Variants in TESK2 observed in about 807,000 individuals in gnomAD.
The protein encoded by TESK2 is testis associated actin remodelling kinase 2, also known as dual specificity testis-specific protein kinase 2.
TESK2 carries 39 observed loss-of-function variants against 57.1 expected under a neutral mutation model. The observed-to-expected ratio is 0.68, with a 90% CI of 0.53 to 0.89. The LOEUF (loss-of-function observed/expected upper bound fraction) is 0.89. TESK2 is among the 40% of genes least tolerant of loss of function. The pLI is 0.00. For synonymous variants in TESK2, 249 were observed against 267.9 expected (o/e 0.93, Z 0.69); for missense variants, 646 against 732.1 (o/e 0.88, Z 1.36).
chr1:45,348,078 C>A (rs191155637), intron 5 of TESK2, 78 bp from the exon 6 acceptor site: 30 of 975,290 alleles, frequency 3.1e-5, no homozygotes, highest in African/African-American at 2.4e-4. Context: ...CCCATTCCCC[C>A]CTTCCTATCA....
At chr1:45,485,510 TA>T (rs1386345030) in intron 1 of TESK2, among the ~76,000 whole-genome samples, 1 of 132,704 alleles carries the variant, frequency 7.5e-6, no homozygotes, top group Admixed American at 8.5e-5. Flanking sequence ...TATATAAATT[TA>T]TTTTTTATTT....
intron 3 of TESK2, among the ~76,000 whole-genome samples, chr1:45,399,428 C>T (rs533046066): frequency 3.9e-5 from 6 of 152,280 alleles, no homozygotes; most frequent in Non-Finnish European, 8.8e-5. Flanking sequence ...AATTCTCCTG[C>T]CTCAGCATCC....
chr1:45,387,557 T>C (rs766076894), intron 3 of TESK2, among the ~76,000 whole-genome samples: 1 of 151,992 alleles, frequency 6.6e-6, no homozygotes, highest in Non-Finnish European at 1.5e-5. Context: ...ATCATAAAAT[T>C]TCCAGGAAGA....
intron 2 of TESK2, among the ~76,000 whole-genome samples, chr1:45,451,579 T>C (rs867283493): frequency 6.6e-6 from 1 of 152,288 alleles, no homozygotes; most frequent in Middle Eastern, 3.4e-3. Context: ...TGGTCTGCCT[T>C]AGGACCTGAA....
chr1:45,428,520 T>C (rs1650792291), intron 2 of TESK2, among the ~76,000 whole-genome samples: 1 of 152,124 alleles, frequency 6.6e-6, no homozygotes. Flanking sequence ...TTATTTTTTT[T>C]TAAACAGGGT....
chr1:45,452,348 T>A (rs1282018451), intron 2 of TESK2, among the ~76,000 whole-genome samples: 2 of 152,024 alleles, frequency 1.3e-5, no homozygotes, highest in Non-Finnish European at 2.9e-5. Context: ...AATAAGAAAG[T>A]ATCTAGAAGC....
In TESK2 at chr1:45,461,284, CAG is replaced by C. The variant is rs1374699113; in HGVS notation, c.-86-3415_-86-3414del. ...TTGAGAATCCCTTGAACCCAAGAGG[CAG>C]AGATTGCAGTGAGCTCAGATCACAC... On this transcript the variant is annotated intron_variant, in intron 1 of 10. Coordinates refer to ENST00000372086, the MANE Select transcript of TESK2 (RefSeq NM_007170.3). Among the ~76,000 whole-genome samples, 49 of 152,058 alleles carry C rather than the reference CAG, an allele frequency of 3.2e-4. 1 individual carries two copies. The highest frequency in any genetic ancestry group is 1.5e-5 in the Non-Finnish European group (1 of 68,010).
intron 1 of TESK2, among the ~76,000 whole-genome samples, chr1:45,468,625 T>A (rs1652647569): frequency 6.6e-6 from 1 of 152,212 alleles, no homozygotes; most frequent in African/African-American, 2.4e-5. Flanking sequence ...CTCTTGGTCT[T>A]ATATATTGAG....
At chr1:45,349,180 C>T (rs1570635731) in intron 5 of TESK2, among the ~76,000 whole-genome samples, 1 of 151,344 alleles carries the variant, frequency 6.6e-6, no homozygotes, top group African/African-American at 2.4e-5. Context: ...GCCAAGTCAC[C>T]TCCTGCTTAC....
chr1:45,443,957 T>C (rs1651549197), intron 2 of TESK2, among the ~76,000 whole-genome samples: 1 of 152,066 alleles, frequency 6.6e-6, no homozygotes, highest in African/African-American at 2.4e-5. Flanking sequence ...GGTGGGAGGA[T>C]TGCTTGAGGC....
rs200381463 is a variant in TESK2, at chr1:45,475,355, TGCCACCAC to T, written c.-87+15489_-87+15496del. Among the ~76,000 whole-genome samples the T allele has an allele frequency of 1.2e-3, 186 of 151,948 alleles. 5 individuals are homozygous for T. The East Asian group carries it at 0.032, about 26-fold the overall frequency. ...CCAAGTAGCTGGGACTACAGGCATG[TGCCACCAC>T]GCCTGGCTAATTTTTGTATTTTTAG... On this transcript the variant is annotated intron_variant, in intron 1 of 10. Transcript: ENST00000372086.
rs777748505 is a variant in TESK2, at chr1:45,345,545, T to C, written c.1011A>G (p.Lys337=). 1.2e-5 allele frequency: 19 copies of C among 1,613,540 alleles called. No individual in the cohort carries two copies. In the East Asian group the frequency reaches 3.8e-4, roughly 32 times the overall value. The stretch of plus-strand genomic sequence containing the variant: ...AGCTTAGTCGCTTCACCCCAGGTGC[T>C]TTCTCCAAGAGTCCTGAAGAATAAT... ...LQPTARGLLE[K]APGVKRLSSL... Residue 337 remains lysine (K), a synonymous_variant, in exon 11 of 11, where the codon AAA becomes AAG. Coordinates refer to ENST00000372086, the MANE Select transcript of TESK2 (RefSeq NM_007170.3).
intron 4 of TESK2, among the ~76,000 whole-genome samples, chr1:45,357,068 C>G (rs555009644): frequency 6.6e-6 from 1 of 151,758 alleles, no homozygotes; most frequent in Non-Finnish European, 1.5e-5. Flanking sequence ...TGGTAGCAGG[C>G]GTCTGTAATC....
intron 3 of TESK2, 123 bp downstream of exon 3, chr1:45,421,602 C>T: frequency 1.4e-6 from 2 of 1,379,976 alleles, no homozygotes; most frequent in East Asian, 2.3e-5. Context: ...ACCACTAAAC[C>T]CCAGCAAGAT....
In TESK2 at chr1:45,371,742, C is replaced by T. The variant is rs558865718; in HGVS notation, c.393+14170G>A. ...AATTAGCTGGGCATGGTGATGCACG[C>T]CTGTAGTCCCAGCTACTTGGGAGGC... is the stretch of plus-strand genomic sequence containing the variant. On this transcript the variant is annotated intron_variant, in intron 4 of 10. Coordinates refer to ENST00000372086, the MANE Select transcript of TESK2 (RefSeq NM_007170.3). 2.6e-5 allele frequency among the ~76,000 whole-genome samples: 4 copies of T among 152,046 alleles called. No individual in the cohort carries two copies. In the South Asian group the frequency reaches 8.3e-4, roughly 32 times the overall value.
Position 45,421,733 on chromosome 1 carries a change from G to A in TESK2, c.336C>T (p.Asn112=), listed in dbSNP as rs1650486846. ...VQLMNRLSHP[N]ILRFMGVCVH... ...GAAGGAAAAGCCATTACCTAAGGAT[G>A]TTGGGATGGGAGAGTCTATTCATGA... Residue 112 remains asparagine (N), a synonymous_variant, in exon 3 of 11, where the codon AAC becomes AAT. Coordinates refer to ENST00000372086, the MANE Select transcript of TESK2 (RefSeq NM_007170.3). 7 of 1,614,078 alleles carry A rather than the reference G, an allele frequency of 4.3e-6. No individual in the cohort carries two copies. In the East Asian group the frequency reaches 1.1e-4, roughly 26 times the overall value.
Position 45,344,961 on chromosome 1 carries a change from C to G in TESK2, c.1595G>C (p.Ser532Thr). ...CTCAGAAGCACCCGCAGGGCATGGA[C>G]TGGTCCCCTGGGGCCTGGACCCAAA... is the stretch of plus-strand genomic sequence containing the variant. Reference protein sequence around the residue: ...NGFGSRPQGTSPCPAGASEEM... With the variant: ...NGFGSRPQGTTPCPAGASEEM... Residue 532 changes from serine to threonine, a missense_variant, in exon 11 of 11, where the codon AGT (serine) becomes ACT (threonine). By Grantham distance (58) the Ser-to-Thr change is moderately conservative. Transcript: ENST00000372086. 1.2e-6 allele frequency: 2 copies of G among 1,614,254 alleles called. No individual in the cohort carries two copies. The highest frequency in any genetic ancestry group is 1.7e-6 in the Non-Finnish European group (2 of 1,180,046).
chr1:45,469,701 G>A (rs955379504), intron 1 of TESK2, among the ~76,000 whole-genome samples: 1 of 152,156 alleles, frequency 6.6e-6, no homozygotes, highest in African/African-American at 2.4e-5. Flanking sequence ...CCTTCCTTCA[G>A]TCATTCAATC....
intron 1 of TESK2, among the ~76,000 whole-genome samples, chr1:45,464,883 T>C (rs1652479530): frequency 6.6e-6 from 1 of 151,480 alleles, no homozygotes; most frequent in Non-Finnish European, 1.5e-5. Flanking sequence ...GGTGGATCAC[T>C]TGAGGTCAGG....
Sources: gnomAD v4.1 joint callset for allele counts (sites outside exome capture counted in the v4.1 genomes callset) on GRCh38, gnomAD v4.1.1 for gene constraint, MANE v1.5 for transcripts, NCBI Gene and HGNC (gene_info 2026-07-23, HGNC 2026-07-21) for gene names.